Variants in SLC22A12 observed in about 807,000 individuals in gnomAD.
SLC22A12 encodes the protein solute carrier family 22 member 12.
In SLC22A12, 56 loss-of-function variants were observed where a neutral mutation model predicts 52.7. The ratio of observed to expected loss-of-function variants is 1.06; its 90% CI spans 0.86 to 1.33. The LOEUF (loss-of-function observed/expected upper bound fraction) is 1.33. Among genes scored for constraint, SLC22A12 ranks in the 40% most tolerant of loss-of-function variants. The pLI is 0.00. For synonymous variants in SLC22A12, 337 were observed against 324.6 expected (o/e 1.04, Z -0.41); for missense variants, 683 against 741.5 (o/e 0.92, Z 0.92).
chr11:64,596,230 G>GATGGATGGATGGATGGA (rs1554987836), intron 4 of SLC22A12, among the ~76,000 whole-genome samples: 10 of 34,954 alleles, frequency 2.9e-4, no homozygotes, highest in Non-Finnish European at 3.8e-4. Context: ...TGGATGCATG[G>GATGGATGGATGGATGGA]ATGGATGGAT....
intron 4 of SLC22A12, 37 bp downstream of exon 4, chr11:64,593,840 T>C (rs2039002073): frequency 6.3e-7 from 1 of 1,594,442 alleles, no homozygotes; most frequent in African/African-American, 1.3e-5. Flanking sequence ...TCAGAGGAGA[T>C]CCTGCCCACT....
At chr11:64,600,671 G>C in intron 8 of SLC22A12, 64 bp from the exon 9 acceptor site, 1 of 1,596,416 alleles carries the variant, frequency 6.3e-7, no homozygotes, top group Admixed American at 1.7e-5. Context: ...GGCCTGGCCC[G>C]GCGTGCAGGA....
intron 4 of SLC22A12, among the ~76,000 whole-genome samples, chr11:64,597,375 C>A (rs1297295584): frequency 6.6e-6 from 1 of 152,176 alleles, no homozygotes; most frequent in Non-Finnish European, 1.5e-5. Flanking sequence ...CAGCCTTACA[C>A]CTCCAACTGC....
At chr11:64,593,017 G>T in intron 2 of SLC22A12, 135 bp downstream of exon 2, 1 of 785,590 alleles carries the variant, frequency 1.3e-6, no homozygotes, top group Non-Finnish European at 2.1e-6. Flanking sequence ...TGTGGGTCTC[G>T]GACCAGCCAC....
At chr11:64,594,891 G>GAATA (rs2039053792) in intron 4 of SLC22A12, among the ~76,000 whole-genome samples, 1 of 142,348 alleles carries the variant, frequency 7.0e-6, no homozygotes, top group South Asian at 2.5e-4. Context: ...TGGATGGATG[G>GAATA]AATGGATGGA....
intron 4 of SLC22A12, among the ~76,000 whole-genome samples, chr11:64,595,086 A>AG (rs2039081924): frequency 5.1e-5 from 3 of 59,066 alleles, no homozygotes; most frequent in South Asian, 6.9e-4. Context: ...ATAGATGGAT[A>AG]GATGGAAAGG....
chr11:64,599,061 C>T (rs2039351552), intron 6 of SLC22A12, 138 bp downstream of exon 6: 1 of 1,304,202 alleles, frequency 7.7e-7, no homozygotes, highest in Non-Finnish European at 1.1e-6. Context: ...CTGTCAGTCA[C>T]TCCCGACAGG....
At position 64,600,350 on chromosome 11, in the gene SLC22A12, C is replaced by G; in HGVS notation, c.1286-17C>G. The G allele has an allele frequency of 6.3e-7, 1 of 1,582,928 alleles. No homozygotes were observed. The highest frequency in any genetic ancestry group is 8.6e-7 in the Non-Finnish European group (1 of 1,164,950). On this transcript the variant is annotated splice_polypyrimidine_tract_variant and intron_variant, in intron 7 of 9. Coordinates refer to ENST00000377574, the MANE Select transcript of SLC22A12 (RefSeq NM_144585.4). ...TGGGCCCCCCACCAAGCTCACTAAT[C>G]CCATCTCTACCCACAGAAATGGGGG...
rs757712482 is a variant in SLC22A12, at chr11:64,598,540, G to A, written c.855G>A (p.Trp285Ter). The A allele has an allele frequency of 6.3e-7, 1 of 1,594,938 alleles. No individual in the cohort carries two copies. The highest frequency in any genetic ancestry group is 1.1e-5 in the South Asian group (1 of 87,714). The change falls in exon 5 of 10, where the codon TGG becomes TGA. Residue 285 changes from tryptophan (W) to a stop codon, truncating the protein, a stop_gained. Transcript: ENST00000377574. LOFTEE classifies it high-confidence loss of function. ...GGTGGCTGGCAGAGTCGGCACGATGGCTCCTCACCACAGGCAGGCTGGATT... is the reference window on the plus strand; with the variant it reads ...GGTGGCTGGCAGAGTCGGCACGATGACTCCTCACCACAGGCAGGCTGGATT... ...YSWWLAESAR[W>*]LLTTGRLDWG...
In SLC22A12 at chr11:64,601,829, G is replaced by A. The variant is rs993600999; in HGVS notation, c.*278G>A. 1 of 449,528 alleles carries A rather than the reference G, an allele frequency of 2.2e-6. No homozygotes were observed. The highest frequency in any genetic ancestry group is 4.6e-5 in the East Asian group (1 of 21,684). The allele number at this position is 449,528 out of a possible 1,614,324, so 27.8% of individuals were successfully genotyped here. ...TGCCCTCGTGGCTTCGGAGAGCAGA[G>A]GGGTCAGGCCCAGGGGAACGAGCTG... On this transcript the variant is annotated 3_prime_UTR_variant, in exon 10 of 10. Transcript: ENST00000377574.
In SLC22A12 at chr11:64,600,755, G is replaced by C. The variant is rs1222957468; in HGVS notation, c.1415G>C (p.Gly472Ala). ...TVLRMTAVGL[G>A]QMAARGGAIL... is the part of the protein sequence containing the mutation. ...GGCAGGATGACGGCAGTGGGCTTGG[G>C]CCAGATGGCAGCCCGTGGAGGAGCC... Residue 472 changes from glycine (G) to alanine (A), a missense_variant, in exon 9 of 10, where the codon GGC becomes GCC. Gly to Ala is a moderately conservative substitution (Grantham distance 60, BLOSUM62 0). Transcript: ENST00000377574. 6.2e-6 allele frequency: 10 copies of C among 1,605,290 alleles called. No individual in the cohort carries two copies. The highest frequency in any genetic ancestry group is 8.5e-6 in the Non-Finnish European group (10 of 1,179,916).
At position 64,600,963 on chromosome 11, in the gene SLC22A12, A is replaced by T. The variant is rs761486892; in HGVS notation, c.1598+25A>T. ...AGTGAGTGGACCCAGCCTCGGGACC[A>T]CCCCTCCCTCCCACCAGAGAACCCT... On this transcript the variant is annotated intron_variant, in intron 9 of 9. Transcript: ENST00000377574. 20 of 1,602,346 alleles carry T rather than the reference A, an allele frequency of 1.2e-5. No homozygotes were observed. In the Admixed American group the frequency reaches 1.7e-4, roughly 13 times the overall value.
chr11:64,598,783 A>G (rs1401700558), intron 5 of SLC22A12, 25 bp from the exon 6 acceptor site: 2 of 1,611,778 alleles, frequency 1.2e-6, no homozygotes, highest in Admixed American at 1.7e-5. Context: ...CCCAGTGCCA[A>G]CAGCACCCAC....
intron 7 of SLC22A12, 55 bp from the exon 8 acceptor site, chr11:64,600,312 C>G (rs773901831): frequency 1.5e-4 from 201 of 1,354,784 alleles, no homozygotes; most frequent in Non-Finnish European, 2.0e-4. Flanking sequence ...TGAAGGGAGC[C>G]CTCATCTGAT....
chr11:64,601,451 G>A (rs754786069), intron 9 of SLC22A12, 37 bp from the exon 10 acceptor site: 47 of 1,606,518 alleles, frequency 2.9e-5, no homozygotes, highest in Non-Finnish European at 3.4e-5. Context: ...GGGCCACTCC[G>A]CACCCCAAGA....
chr11:64,592,916 C>T (rs1257202684), intron 2 of SLC22A12, 34 bp downstream of exon 2: 2 of 1,556,732 alleles, frequency 1.3e-6, no homozygotes, highest in African/African-American at 1.4e-5. Flanking sequence ...GTCCCAGTTC[C>T]CCTCACAACC....
In SLC22A12 at chr11:64,599,822, G is replaced by A. The variant is rs372595086; in HGVS notation, c.1217G>A (p.Arg406His). The change falls in exon 7 of 10, where the codon CGC (arginine) becomes CAC (histidine). Residue 406 changes from arginine (R) to histidine (H), a missense_variant. By Grantham distance (29) the Arg-to-His change is conservative (BLOSUM62 0). Transcript: ENST00000377574. ...ALLLLSHLGRRPTLAASLLLA... is the reference protein window; with the variant it reads ...ALLLLSHLGRHPTLAASLLLA... ...CTGCTGCTGAGCCACCTGGGCCGCCGCCCCACGCTGGCCGCATCCCTGTTG... is the reference window on the plus strand; with the variant it reads ...CTGCTGCTGAGCCACCTGGGCCGCCACCCCACGCTGGCCGCATCCCTGTTG... The A allele has an allele frequency of 1.9e-5, 31 of 1,612,772 alleles. No homozygotes were observed. Among genetic ancestry groups the A allele is most frequent in the Middle Eastern group, 3.3e-4 (2 of 6,060 alleles).
At chr11:64,595,501 G>T (rs1418932383) in intron 4 of SLC22A12, among the ~76,000 whole-genome samples, 1 of 144,512 alleles carries the variant, frequency 6.9e-6, no homozygotes, top group African/African-American at 2.5e-5. Flanking sequence ...GGAATGGATG[G>T]ATGGATGGTT....
chr11:64,597,616 C>T (rs1164510037), intron 4 of SLC22A12, among the ~76,000 whole-genome samples: 1 of 152,224 alleles, frequency 6.6e-6, no homozygotes, highest in Non-Finnish European at 1.5e-5. Context: ...CTCTGTTCTG[C>T]AAATCCCTAA....
Sources: allele counts gnomAD v4.1 joint callset (sites outside exome capture counted in the v4.1 genomes callset), GRCh38; gene constraint gnomAD v4.1.1; transcripts MANE v1.5; gene names NCBI Gene and HGNC (gene_info 2026-07-23, HGNC 2026-07-21).